Variants in ZC4H2 observed in about 807,000 individuals in gnomAD.
ZC4H2 encodes zinc finger C4H2 domain-containing protein.
For missense variants in ZC4H2, 137 were observed against 173.9 expected (o/e 0.79, Z 1.19); for synonymous variants, 84 against 66.3 (o/e 1.27, Z -1.30).
intron 1 of ZC4H2, among the ~76,000 whole-genome samples, chrX:64,949,157 T>C (rs1930674580): frequency 8.9e-6 from 1 of 111,762 alleles, no homozygotes; most frequent in Admixed American, 9.6e-5. Flanking sequence ...AGGGTTAACA[T>C]TCATGGTACA....
chrX:64,916,816 G>A lies in ZC4H2; in HGVS notation c.*967C>T, dbSNP rs762372678. 4.5e-5 allele frequency: 5 copies of A among 111,826 alleles called. No individual in the cohort carries two copies. The highest frequency in any genetic ancestry group is 9.4e-5 in the Non-Finnish European group (5 of 53,125). 9.2% of individuals were successfully genotyped at this position (111,826 alleles called of 1,213,427 possible). A position where few individuals can be genotyped will look rare whatever the true frequency, so the allele number is the denominator to read the frequency against. On this transcript the variant is annotated 3_prime_UTR_variant, in exon 5 of 5. Coordinates refer to ENST00000374839, the MANE Select transcript of ZC4H2 (RefSeq NM_018684.4). ...AAGAGTTCAGATCCAAGAGAGCAAG[G>A]GATGAATGGAAGGAAAGTCCCACCC... is the stretch of plus-strand genomic sequence containing the variant.
chrX:64,993,563 C>A (rs1329172926), intron 1 of ZC4H2, among the ~76,000 whole-genome samples: 1 of 111,657 alleles, frequency 9.0e-6, no homozygotes, highest in Non-Finnish European at 1.9e-5. Context: ...AGGAAGCAGG[C>A]TCTCACTAGA....
chrX:64,945,542 T>G (rs1362498703), intron 1 of ZC4H2, among the ~76,000 whole-genome samples: 1 of 111,617 alleles, frequency 9.0e-6, no homozygotes, highest in East Asian at 2.9e-4. Context: ...TGTCTCCCAG[T>G]CAGGAGGCAT....
At chrX:64,932,651 G>T (rs1305053012) in intron 1 of ZC4H2, among the ~76,000 whole-genome samples, 1 of 111,261 alleles carries the variant, frequency 9.0e-6, no homozygotes, top group Non-Finnish European at 1.9e-5. Flanking sequence ...AAATTTTAGG[G>T]TGACATTATT....
intron 4 of ZC4H2, 41 bp downstream of exon 4, chrX:64,919,001 G>A: frequency 8.8e-7 from 1 of 1,131,601 alleles, no homozygotes; most frequent in Non-Finnish European, 1.2e-6. Flanking sequence ...TCCATGGGAG[G>A]ATACTTTGCT....
In ZC4H2 at chrX:64,919,147, A is replaced by G; in HGVS notation, c.456T>C (p.Pro152=). 3 of 1,209,758 alleles carry G rather than the reference A, an allele frequency of 2.5e-6. No homozygotes were observed. The highest frequency in any genetic ancestry group is 3.4e-6 in the Non-Finnish European group (3 of 894,388). Residue 152 remains proline (P), a synonymous_variant, in exon 4 of 5, where the codon CCT becomes CCC. Coordinates refer to ENST00000374839, the MANE Select transcript of ZC4H2 (RefSeq NM_018684.4). ...WQTEPQEPPI[P]ESLAAAAAAA... ...CAGCGGCTGCAGCGGCCAGGGACTC[A>G]GGGATGGGGGGCTCCTGAGGTTCTG...
chrX:64,968,908 G>A (rs1026940679), intron 1 of ZC4H2, among the ~76,000 whole-genome samples: 3 of 111,772 alleles, frequency 2.7e-5, no homozygotes, highest in Non-Finnish European at 5.6e-5. Flanking sequence ...TGTCTGGTGA[G>A]GGGCTTGGTC....
Position 64,917,738 on chromosome X carries a change from G to C in ZC4H2, c.*45C>G. On this transcript the variant is annotated 3_prime_UTR_variant, in exon 5 of 5. Transcript: ENST00000374839. ...TCAGGACATCAATGACTCTGGTCAA[G>C]GTGAGGGGTTATAATTAGCAAAGCT... 1 of 1,190,102 alleles carries C rather than the reference G, an allele frequency of 8.4e-7. No homozygotes were observed. The highest frequency in any genetic ancestry group is 1.1e-6 in the Non-Finnish European group (1 of 884,340).
chrX:64,994,067 A>C (rs185549554), intron 1 of ZC4H2, among the ~76,000 whole-genome samples: 314 of 112,488 alleles, frequency 2.8e-3, no homozygotes, highest in African/African-American at 9.2e-3. Context: ...CACTTAAAAA[A>C]ATGCCTCAAG....
upstream of ZC4H2, among the ~76,000 whole-genome samples, chrX:64,976,736 T>C (rs759434088): frequency 9.0e-6 from 1 of 111,336 alleles, no homozygotes; most frequent in East Asian, 2.8e-4. Context: ...CTGAAGGCAA[T>C]TGGAGAGATG....
chrX:64,919,766 C>T, intron 3 of ZC4H2: 1 of 226,261 alleles, frequency 4.4e-6, no homozygotes, highest in Non-Finnish European at 7.9e-6. Context: ...GAAATGATCT[C>T]TTAAGAGTTA....
chrX:64,924,759 A>C lies in ZC4H2; in HGVS notation c.54-2771T>G, dbSNP rs1045100857. 1.6e-4 allele frequency among the ~76,000 whole-genome samples: 18 copies of C among 111,127 alleles called. No homozygotes were observed. In the Admixed American group the frequency reaches 1.7e-3, roughly 11 times the overall value. ...TGGCCCCACAGAAGAAGAATATGGC[A>C]CATTAAAGGAACTGAGTGAAGAGCA... is the stretch of plus-strand genomic sequence containing the variant. On this transcript the variant is annotated intron_variant, in intron 1 of 4. Coordinates refer to ENST00000374839, the MANE Select transcript of ZC4H2 (RefSeq NM_018684.4).
At chrX:64,985,398 T>C (rs146021830) in intron 1 of ZC4H2, among the ~76,000 whole-genome samples, 33 of 112,076 alleles carry the variant, frequency 2.9e-4, no homozygotes, top group African/African-American at 1.1e-3. Flanking sequence ...TATAAGATAG[T>C]ATCTCAGAGT....
At chrX:65,029,824 T>G (rs1375648293) in intron 1 of ZC4H2, among the ~76,000 whole-genome samples, 2 of 110,156 alleles carry the variant, frequency 1.8e-5, no homozygotes, top group Non-Finnish European at 3.8e-5. Context: ...ATTTGCTGTG[T>G]GAAGGATGAG....
intron 1 of ZC4H2, among the ~76,000 whole-genome samples, chrX:64,935,495 A>T (rs1929962072): frequency 8.9e-6 from 1 of 111,990 alleles, no homozygotes; most frequent in Non-Finnish European, 1.9e-5. Flanking sequence ...TTGCCTCCTC[A>T]AGTGAGTCCC....
Position 64,916,916 on chromosome X carries a change from G to C in ZC4H2, c.*867C>G, listed in dbSNP as rs766541733. ...TCTCCTCCCTGCAATATACCATTGA[G>C]CATGTGCCAGAGTAATGGTTCTGAA... On this transcript the variant is annotated 3_prime_UTR_variant, in exon 5 of 5. Coordinates refer to ENST00000374839, the MANE Select transcript of ZC4H2 (RefSeq NM_018684.4). 1 of 112,121 alleles carries C rather than the reference G, an allele frequency of 8.9e-6. No individual in the cohort carries two copies. Among genetic ancestry groups the C allele is most frequent in the Non-Finnish European group, 1.9e-5 (1 of 53,182 alleles). The allele number at this position is 112,121 out of a possible 1,213,427, so 9.2% of individuals were successfully genotyped here.
At chrX:65,010,443 A>G (rs1164629522) in intron 1 of ZC4H2, among the ~76,000 whole-genome samples, 2 of 112,530 alleles carry the variant, frequency 1.8e-5, no homozygotes, top group Non-Finnish European at 3.7e-5. Flanking sequence ...AGTTATACTC[A>G]AATAATTCAG....
rs768227226 is a variant in ZC4H2, at chrX:64,944,886, G to A, written c.54-22898C>T. Among the ~76,000 whole-genome samples, 21 of 111,958 alleles carry A rather than the reference G, an allele frequency of 1.9e-4. No individual in the cohort carries two copies. In the East Asian group the frequency reaches 4.7e-3, roughly 25 times the overall value. On this transcript the variant is annotated intron_variant, in intron 1 of 4. Transcript: ENST00000374839. Reference sequence around the variant, plus strand: ...CATTGATTTGGCTATTGATTCTTGCGCATGCTTCATGAAGTTCTCGTGCTG... The same window carrying A: ...CATTGATTTGGCTATTGATTCTTGCACATGCTTCATGAAGTTCTCGTGCTG...
chrX:64,978,499 C>T (rs747077806), upstream of ZC4H2, among the ~76,000 whole-genome samples: 1 of 111,726 alleles, frequency 9.0e-6, no homozygotes, highest in South Asian at 3.7e-4. Flanking sequence ...AGCAACAAGC[C>T]TGCGTTAAGT....
Sources: gnomAD v4.1 joint callset for allele counts (sites outside exome capture counted in the v4.1 genomes callset) on GRCh38, gnomAD v4.1.1 for gene constraint, MANE v1.5 for transcripts, NCBI Gene and HGNC (gene_info 2026-07-23, HGNC 2026-07-21) for gene names.